The following TMEM117 variants were observed in gnomAD, a reference collection of about 807,000 sequenced individuals.
TMEM117 encodes transmembrane protein 117.
In TMEM117, 27 loss-of-function variants were observed where a neutral mutation model predicts 52.4. That is an observed-to-expected ratio of 0.51 (90% confidence interval 0.38 to 0.71). The LOEUF (loss-of-function observed/expected upper bound fraction) is 0.71. Ranked by LOEUF, TMEM117 falls within the 30% of genes least tolerant of loss-of-function variation. TMEM117 has a pLI of 0.00. For synonymous variants in TMEM117, 215 were observed against 206.3 expected, an observed-to-expected ratio of 1.04 and a Z score of -0.36; for missense variants, 556 against 630.5, an observed-to-expected ratio of 0.88 and a Z score of 1.26.
intron 3 of TMEM117, among the ~76,000 whole-genome samples, chr12:44,011,439 C>A (rs969139133): frequency 6.6e-6 from 1 of 152,100 alleles, no homozygotes; most frequent in Middle Eastern, 3.2e-3. Context: ...GTCATGAGAT[C>A]TGATGGTTTG....
At position 43,844,772 on chromosome 12, in the gene TMEM117, G is replaced by T. The variant is rs773725182; in HGVS notation, c.121G>T (p.Glu41Ter). 6.2e-7 allele frequency: 1 copy of T among 1,614,174 alleles called. No homozygotes were observed. Among genetic ancestry groups the T allele is most frequent in the Non-Finnish European group, 8.5e-7 (1 of 1,180,028 alleles). ...AEDPVSHSQT[E>*]ANVIVVGNCF... ...GGACCCAGTTTCTCATAGCCAAACA[G>T]AAGCCAATGTTATTGTTGTTGGAAA... Residue 41 changes from glutamate to a stop codon, truncating the protein, a stop_gained, in exon 2 of 8, where the codon GAA becomes TAA. Coordinates refer to ENST00000266534, the MANE Select transcript of TMEM117 (RefSeq NM_032256.3). LOFTEE classifies it high-confidence loss of function.
intron 3 of TMEM117, among the ~76,000 whole-genome samples, chr12:44,011,285 C>CTGTATA (rs1264565379): frequency 2.6e-5 from 4 of 152,132 alleles, no homozygotes; most frequent in Non-Finnish European, 5.9e-5. Context: ...GTACCAAGCC[C>CTGTATA]TGTATATACT....
intron 3 of TMEM117, among the ~76,000 whole-genome samples, chr12:43,996,340 A>C (rs1184428327): frequency 6.6e-6 from 1 of 152,160 alleles, no homozygotes; most frequent in Non-Finnish European, 1.5e-5. Context: ...ACGTATCATT[A>C]AAATTTTAAA....
At chr12:43,799,361 C>T in the TMEM117 span, 1 of 1,358,538 alleles carries the variant, frequency 7.4e-7, no homozygotes, top group Non-Finnish European at 1.0e-6. Context: ...TTTTCAAACA[C>T]TTAAAATCTT....
In TMEM117 at chr12:43,980,829, C is replaced by T. The variant is rs7300867; in HGVS notation, c.410+36487C>T. ...GAAGAGAGTTAGCAGCCCCCGAAGC[C>T]GGCGATGCTCACATTTATTTAGTAC... On this transcript the variant is annotated intron_variant, in intron 3 of 7. Coordinates refer to ENST00000266534, the MANE Select transcript of TMEM117 (RefSeq NM_032256.3). Among the ~76,000 whole-genome samples, 1,236 of 152,218 alleles carry T rather than the reference C, an allele frequency of 8.1e-3. 20 individuals are homozygous for T. The highest frequency in any genetic ancestry group is 0.028 in the African/African-American group (1,154 of 41,516).
chr12:44,024,564 A>G (rs1675146922), intron 3 of TMEM117, among the ~76,000 whole-genome samples: 1 of 150,252 alleles, frequency 6.7e-6, no homozygotes, highest in African/African-American at 2.4e-5. Context: ...GAATGGAAGG[A>G]AGGCAGGAAG....
the TMEM117 span, among the ~76,000 whole-genome samples, chr12:43,820,184 G>A: frequency 6.6e-6 from 1 of 151,958 alleles, no homozygotes; most frequent in African/African-American, 2.4e-5. Flanking sequence ...TGCAACCTCC[G>A]CCTCTCCGGT....
intron 2 of TMEM117, among the ~76,000 whole-genome samples, chr12:43,940,102 G>A (rs1253910990): frequency 6.6e-6 from 1 of 152,142 alleles, no homozygotes; most frequent in Admixed American, 6.5e-5. Flanking sequence ...GTATCAACAT[G>A]ACCCTTGATA....
chr12:43,987,470 C>A (rs1410916485), intron 3 of TMEM117, among the ~76,000 whole-genome samples: 1 of 150,470 alleles, frequency 6.6e-6, no homozygotes, highest in African/African-American at 2.4e-5. Context: ...TTTCTGTTAT[C>A]TTGTCCCTAT....
intron 3 of TMEM117, among the ~76,000 whole-genome samples, chr12:44,095,731 T>C (rs989268004): frequency 6.6e-6 from 1 of 152,072 alleles, no homozygotes; most frequent in Non-Finnish European, 1.5e-5. Context: ...TCTTCACCAG[T>C]GGCCAAGTTG....
chr12:44,246,721 A>G (rs866737612), intron 5 of TMEM117, among the ~76,000 whole-genome samples: 6 of 152,224 alleles, frequency 3.9e-5, no homozygotes, highest in Non-Finnish European at 8.8e-5. Flanking sequence ...CTGCAAGCTT[A>G]CTAATGGAAT....
At chr12:44,123,320 G>C (rs1023323628) in intron 3 of TMEM117, among the ~76,000 whole-genome samples, 8 of 151,722 alleles carry the variant, frequency 5.3e-5, no homozygotes, top group African/African-American at 1.7e-4. Flanking sequence ...CAGATAGATT[G>C]CAAAAATTTT....
chr12:43,946,406 T>TAA (rs1555186733), intron 3 of TMEM117, among the ~76,000 whole-genome samples: 4 of 131,834 alleles, frequency 3.0e-5, no homozygotes, highest in African/African-American at 5.5e-5. Flanking sequence ...TTTGTTTTTT[T>TAA]ATCTAGAGCT....
At chr12:44,151,095 G>A (rs1948715291) in intron 4 of TMEM117, among the ~76,000 whole-genome samples, 1 of 151,890 alleles carries the variant, frequency 6.6e-6, no homozygotes, top group Admixed American at 6.6e-5. Flanking sequence ...ATTCACCTAG[G>A]TATTGAATTG....
chr12:43,963,371 A>T (rs1945434777), intron 3 of TMEM117, among the ~76,000 whole-genome samples: 1 of 152,220 alleles, frequency 6.6e-6, no homozygotes, highest in African/African-American at 2.4e-5. Flanking sequence ...AAAAGTTATG[A>T]GTAACAAAGA....
intron 2 of TMEM117, among the ~76,000 whole-genome samples, chr12:43,865,526 A>G (rs1416471572): frequency 5.9e-5 from 9 of 151,942 alleles, no homozygotes; most frequent in Non-Finnish European, 8.8e-5. Context: ...ATGAAACTCC[A>G]TCTCTGCTAA....
intron 3 of TMEM117, among the ~76,000 whole-genome samples, chr12:44,087,672 C>T (rs1292574539): frequency 6.6e-6 from 1 of 152,006 alleles, no homozygotes; most frequent in Non-Finnish European, 1.5e-5. Context: ...GCTATGTTGC[C>T]CAGACTGGTC....
chr12:44,392,754 A>G (rs1346203705), downstream of TMEM117, among the ~76,000 whole-genome samples: 1 of 142,218 alleles, frequency 7.0e-6, no homozygotes, highest in South Asian at 2.3e-4. Context: ...GTTCCCACCT[A>G]TGAGTGAGAA....
At chr12:44,041,773 T>C (rs1946802336) in intron 3 of TMEM117, among the ~76,000 whole-genome samples, 1 of 152,126 alleles carries the variant, frequency 6.6e-6, no homozygotes, top group Admixed American at 6.6e-5. Context: ...CAATCCACCA[T>C]GATCAAGTAG....
Sources: allele counts gnomAD v4.1 joint callset (sites outside exome capture counted in the v4.1 genomes callset), GRCh38; gene constraint gnomAD v4.1.1; transcripts MANE v1.5; gene names NCBI Gene and HGNC (gene_info 2026-07-23, HGNC 2026-07-21).